The following NFIB variants were observed in gnomAD, a reference collection of about 807,000 sequenced individuals.
NFIB encodes the protein nuclear factor 1 B-type.
NFIB carries 11 observed loss-of-function variants against 61.5 expected under a neutral mutation model. The observed-to-expected ratio is 0.18, with a 90% CI of 0.11 to 0.30. The LOEUF (loss-of-function observed/expected upper bound fraction) is 0.30, where lower values mean the gene tolerates loss of function less well. Ranked by LOEUF, NFIB falls within the 10% of genes least tolerant of loss-of-function variation. NFIB has a pLI of 1.00. For missense variants in NFIB, 471 were observed against 608.9 expected (o/e 0.77, Z 2.38); for synonymous variants, 260 against 216.5 (o/e 1.20, Z -1.76).
intron 3 of NFIB, 67 bp downstream of exon 3, chr9:14,179,660 A>G (rs2046543659): frequency 6.4e-7 from 1 of 1,558,378 alleles, no homozygotes; most frequent in Admixed American, 1.7e-5. Flanking sequence ...TGGGGTGTTT[A>G]TCTATACAGT....
At chr9:14,160,194 ATTATT>A (rs2043986579) in intron 3 of NFIB, among the ~76,000 whole-genome samples, 1 of 152,220 alleles carries the variant, frequency 6.6e-6, no homozygotes, top group Non-Finnish European at 1.5e-5. Flanking sequence ...ATCAAATTAT[ATTATT>A]TTACTTCTTT....
chr9:14,328,912 T>A (rs2060786766), intron 1 of NFIB, among the ~76,000 whole-genome samples: 1 of 152,248 alleles, frequency 6.6e-6, no homozygotes, highest in Admixed American at 6.5e-5. Context: ...AAACTTGATA[T>A]ATTTTGTTGA....
At chr9:14,204,406 C>T in intron 2 of NFIB, 1 of 1,130,750 alleles carries the variant, frequency 8.8e-7, no homozygotes, top group Non-Finnish European at 1.3e-6. Context: ...ACCTCGCCCG[C>T]TTTGTGAAAT....
At chr9:14,351,533 T>A (rs1376331566) in intron 1 of NFIB, among the ~76,000 whole-genome samples, 1 of 152,222 alleles carries the variant, frequency 6.6e-6, no homozygotes, top group African/African-American at 2.4e-5. Context: ...AACCTTCTTT[T>A]CTCACCTCCC....
chr9:14,216,746 G>A (rs1160444056), intron 2 of NFIB, among the ~76,000 whole-genome samples: 1 of 152,114 alleles, frequency 6.6e-6, no homozygotes, highest in African/African-American at 2.4e-5. Context: ...TCTTTCTCAT[G>A]TGACACTTAA....
chr9:14,320,403 G>C (rs1049377723), intron 1 of NFIB, among the ~76,000 whole-genome samples: 16 of 152,168 alleles, frequency 1.1e-4, no homozygotes, highest in African/African-American at 3.4e-4. Flanking sequence ...GTAGTATATT[G>C]CGTCAGTGAG....
intron 2 of NFIB, among the ~76,000 whole-genome samples, chr9:14,291,158 AAC>A (rs1185451709): frequency 6.6e-6 from 1 of 152,068 alleles, no homozygotes. Context: ...GCATTTCTAA[AAC>A]ATAAATTATA....
chr9:14,201,594 C>T (rs887597701), intron 2 of NFIB, among the ~76,000 whole-genome samples: 3 of 152,202 alleles, frequency 2.0e-5, no homozygotes, highest in Admixed American at 2.0e-4. Flanking sequence ...TGGTCTTGCT[C>T]ACACTTTAGT....
At chr9:14,170,246 A>G (rs1290503242) in intron 3 of NFIB, among the ~76,000 whole-genome samples, 4 of 152,212 alleles carry the variant, frequency 2.6e-5, no homozygotes, top group Non-Finnish European at 5.9e-5. Flanking sequence ...AATGCTTTGC[A>G]TTATTAAATT....
At chr9:14,290,249 C>T (rs1466051734) in intron 2 of NFIB, among the ~76,000 whole-genome samples, 1 of 151,980 alleles carries the variant, frequency 6.6e-6, no homozygotes, top group African/African-American at 2.4e-5. Context: ...ATAGCAATTA[C>T]AGTATTTAAA....
intron 1 of NFIB, among the ~76,000 whole-genome samples, chr9:14,360,379 G>A (rs1478056152): frequency 6.6e-6 from 1 of 152,088 alleles, no homozygotes; most frequent in African/African-American, 2.4e-5. Flanking sequence ...CTAAATTCAA[G>A]TAATTTTATT....
intron 2 of NFIB, among the ~76,000 whole-genome samples, chr9:14,256,183 C>G (rs1214199417): frequency 6.6e-6 from 1 of 152,104 alleles, no homozygotes; most frequent in African/African-American, 2.4e-5. Flanking sequence ...ATATGTAAAA[C>G]CAACAAAAAC....
chr9:14,211,128 C>A (rs558508977), intron 2 of NFIB, among the ~76,000 whole-genome samples: 1 of 152,060 alleles, frequency 6.6e-6, no homozygotes, highest in Non-Finnish European at 1.5e-5. Context: ...GAAAAACTTG[C>A]GGTAAAATTA....
chr9:14,331,680 T>G (rs1202314385), intron 1 of NFIB, among the ~76,000 whole-genome samples: 3 of 152,214 alleles, frequency 2.0e-5, no homozygotes, highest in Non-Finnish European at 4.4e-5. Flanking sequence ...AGGCATTGAC[T>G]TTTTGGGTTC....
chr9:14,295,573 G>A (rs1176985518), intron 2 of NFIB, among the ~76,000 whole-genome samples: 2 of 152,160 alleles, frequency 1.3e-5, no homozygotes, highest in Non-Finnish European at 1.5e-5. Context: ...GGAGCTTACA[G>A]TGAGCCGAGA....
At chr9:14,149,196 G>T (rs1037310708) in intron 5 of NFIB, among the ~76,000 whole-genome samples, 1 of 152,026 alleles carries the variant, frequency 6.6e-6, no homozygotes, top group African/African-American at 2.4e-5. Context: ...ATATGAAAAT[G>T]GTTTAACCGG....
the NFIB span, among the ~76,000 whole-genome samples, chr9:14,513,252 G>T: frequency 6.6e-6 from 1 of 152,062 alleles, no homozygotes; most frequent in South Asian, 2.1e-4. Flanking sequence ...TTATAAAAAA[G>T]AAAAACTTGT....
At chr9:14,311,931 A>G (rs1281713343) in intron 1 of NFIB, among the ~76,000 whole-genome samples, 1 of 152,210 alleles carries the variant, frequency 6.6e-6, no homozygotes, top group Non-Finnish European at 1.5e-5. Context: ...GGGTAATATT[A>G]ATGGTAACTT....
chr9:14,099,373 C>T (rs1020986311), intron 10 of NFIB, among the ~76,000 whole-genome samples: 6 of 152,096 alleles, frequency 3.9e-5, no homozygotes, highest in African/African-American at 1.4e-4. Context: ...TAGCCATGCC[C>T]TGAAGATTTT....
Sources: allele counts gnomAD v4.1 joint callset (sites outside exome capture counted in the v4.1 genomes callset), GRCh38; gene constraint gnomAD v4.1.1; transcripts MANE v1.5; gene names NCBI Gene and HGNC (gene_info 2026-07-23, HGNC 2026-07-21).